The following TMTC2 variants were observed in gnomAD, a reference collection of about 807,000 sequenced individuals.
TMTC2 encodes the protein protein O-mannosyl-transferase TMTC2.
A neutral mutation model predicts 82.4 loss-of-function variants in TMTC2; 43 were observed. That is an observed-to-expected ratio of 0.52 (90% CI 0.41 to 0.67). TMTC2 has a LOEUF of 0.67. Among genes scored for constraint, TMTC2 ranks in the 30% least tolerant of loss-of-function variants. The pLI is 0.00. For missense variants in TMTC2, 919 were observed against 1,012.4 expected, an observed-to-expected ratio of 0.91 and a Z score of 1.25; for synonymous variants, 408 against 381.9, an observed-to-expected ratio of 1.07 and a Z score of -0.80.
chr12:82,721,340 A>G (rs997959160), intron 1 of TMTC2, among the ~76,000 whole-genome samples: 3 of 152,206 alleles, frequency 2.0e-5, no homozygotes, highest in Admixed American at 1.3e-4. Flanking sequence ...GGACCAGAAA[A>G]TATTGACAAA....
At chr12:82,972,233 A>T (rs566974273) in intron 7 of TMTC2, among the ~76,000 whole-genome samples, 2 of 152,068 alleles carry the variant, frequency 1.3e-5, no homozygotes, top group Non-Finnish European at 2.9e-5. Context: ...GCTTTTTATT[A>T]TCTTATTTGC....
chr12:83,092,715 A>G (rs1253210566), intron 11 of TMTC2, among the ~76,000 whole-genome samples: 3 of 152,178 alleles, frequency 2.0e-5, no homozygotes, highest in Non-Finnish European at 4.4e-5. Flanking sequence ...TGCTGTTTCC[A>G]TGACTAAAAG....
chr12:83,042,391 T>G (rs1444537578), intron 9 of TMTC2, among the ~76,000 whole-genome samples: 1 of 152,206 alleles, frequency 6.6e-6, no homozygotes, highest in Non-Finnish European at 1.5e-5. Context: ...GGATCTCTAA[T>G]GAGGTTGTAT....
At chr12:82,897,838 T>C (rs1016512761) in intron 3 of TMTC2, among the ~76,000 whole-genome samples, 3 of 152,126 alleles carry the variant, frequency 2.0e-5, no homozygotes, top group African/African-American at 7.2e-5. Flanking sequence ...TTTTATTCTT[T>C]AAATTATGTT....
chr12:82,974,108 C>T (rs937316536), intron 7 of TMTC2, among the ~76,000 whole-genome samples: 54 of 152,122 alleles, frequency 3.5e-4, no homozygotes, highest in African/African-American at 1.2e-3. Flanking sequence ...GTGGCTCATG[C>T]CTGTAATCCC....
intron 11 of TMTC2, among the ~76,000 whole-genome samples, chr12:83,087,772 C>T (rs1883711060): frequency 6.6e-6 from 1 of 151,646 alleles, no homozygotes; most frequent in Admixed American, 6.6e-5. Flanking sequence ...GATGTGCTGT[C>T]ACCACCAGAC....
chr12:82,861,326 C>T (rs548942601), intron 2 of TMTC2, among the ~76,000 whole-genome samples: 1 of 152,118 alleles, frequency 6.6e-6, no homozygotes, highest in Non-Finnish European at 1.5e-5. Context: ...ATTCTACATC[C>T]GGATGTAGTG....
At chr12:83,096,986 C>T (rs1454125734) in intron 11 of TMTC2, among the ~76,000 whole-genome samples, 1 of 152,190 alleles carries the variant, frequency 6.6e-6, no homozygotes, top group Non-Finnish European at 1.5e-5. Context: ...TTATTCGTTA[C>T]TCTCAGAAGA....
chr12:83,055,871 C>T (rs544198819), intron 10 of TMTC2, among the ~76,000 whole-genome samples: 4 of 152,052 alleles, frequency 2.6e-5, no homozygotes, highest in East Asian at 1.9e-4. Flanking sequence ...GTGAAGTAAA[C>T]GTTATAAATC....
chr12:82,880,282 G>C (rs1703109), intron 2 of TMTC2, among the ~76,000 whole-genome samples: 91,150 of 152,006 alleles, frequency 0.6, 29,700 homozygotes, highest in African/African-American at 0.88. Context: ...TAAATAAAGC[G>C]TCTAGTACCT....
intron 2 of TMTC2, among the ~76,000 whole-genome samples, chr12:82,872,760 C>T (rs1051954857): frequency 2.6e-5 from 4 of 152,100 alleles, no homozygotes; most frequent in East Asian, 1.9e-4. Context: ...TAAAGACTTT[C>T]GATATCTGAG....
intron 7 of TMTC2, among the ~76,000 whole-genome samples, chr12:82,973,565 T>G (rs1878538824): frequency 1.3e-5 from 2 of 152,174 alleles, no homozygotes; most frequent in Admixed American, 1.3e-4. Flanking sequence ...CTTAAAAAAG[T>G]GCAGTTTTTA....
chr12:83,097,187 T>C (rs1884058107), intron 11 of TMTC2, among the ~76,000 whole-genome samples: 1 of 152,194 alleles, frequency 6.6e-6, no homozygotes, highest in African/African-American at 2.4e-5. Context: ...AGGCTGCTTT[T>C]CATCTAGAGA....
chr12:83,101,935 G>A (rs554448473), intron 11 of TMTC2, among the ~76,000 whole-genome samples: 1 of 152,196 alleles, frequency 6.6e-6, no homozygotes, highest in Non-Finnish European at 1.5e-5. Flanking sequence ...AAAATGACTT[G>A]TCTGGCTTAA....
chr12:82,849,666 G>A (rs1381830004), intron 1 of TMTC2, among the ~76,000 whole-genome samples: 2 of 152,088 alleles, frequency 1.3e-5, no homozygotes, highest in Non-Finnish European at 2.9e-5. Flanking sequence ...AACTACCAAT[G>A]TTACATGGGA....
At chr12:82,933,712 G>A (rs1373632570) in intron 4 of TMTC2, among the ~76,000 whole-genome samples, 5 of 152,138 alleles carry the variant, frequency 3.3e-5, no homozygotes, top group Non-Finnish European at 7.3e-5. Context: ...CATTTTAGAA[G>A]CTTTAGGGAA....
chr12:83,081,934 A>G (rs1186924379), intron 11 of TMTC2, among the ~76,000 whole-genome samples: 1 of 152,100 alleles, frequency 6.6e-6, no homozygotes, highest in Non-Finnish European at 1.5e-5. Context: ...GTGAACTATG[A>G]TCACACCACT....
At chr12:82,816,280 A>G (rs1868714550) in intron 1 of TMTC2, among the ~76,000 whole-genome samples, 1 of 152,038 alleles carries the variant, frequency 6.6e-6, no homozygotes. Flanking sequence ...AAATGAACGT[A>G]TATAATATTA....
chr12:82,741,366 A>G (rs1875396817), intron 1 of TMTC2, among the ~76,000 whole-genome samples: 1 of 152,156 alleles, frequency 6.6e-6, no homozygotes, highest in Non-Finnish European at 1.5e-5. Context: ...GCTGGAGTGC[A>G]GTGGCGTGAT....
Sources: allele counts gnomAD v4.1 joint callset (sites outside exome capture counted in the v4.1 genomes callset), GRCh38; gene constraint gnomAD v4.1.1; transcripts MANE v1.5; gene names NCBI Gene and HGNC (gene_info 2026-07-23, HGNC 2026-07-21).